Variants in LMAN1L observed in about 807,000 individuals in gnomAD.
LMAN1L encodes the protein lectin, mannose binding 1 like.
A neutral mutation model predicts 58.3 loss-of-function variants in LMAN1L; 60 were observed. That is an observed-to-expected ratio of 1.03 (90% confidence interval 0.84 to 1.27). The LOEUF (loss-of-function observed/expected upper bound fraction) is 1.27, where lower values mean the gene tolerates loss of function less well. Among genes scored for constraint, LMAN1L ranks in the 50% most tolerant of loss-of-function variants. The pLI, the probability that LMAN1L is intolerant of heterozygous loss-of-function variation, is 0.00. For synonymous variants in LMAN1L, 280 were observed against 271.6 expected, an observed-to-expected ratio of 1.03 and a Z score of -0.31; for missense variants, 629 against 674.0, an observed-to-expected ratio of 0.93 and a Z score of 0.74.
chr15:74,816,567 T>C (rs754713326), intron 3 of LMAN1L, 33 bp downstream of exon 3: 5 of 1,583,294 alleles, frequency 3.2e-6, no homozygotes. Flanking sequence ...CCAGCCCGCC[T>C]GCCCGCTCAC....
In LMAN1L at chr15:74,823,474, T is replaced by C. The variant is rs1055092995; in HGVS notation, c.1200-85T>C. 1.2e-5 allele frequency: 18 copies of C among 1,499,966 alleles called. No individual in the cohort carries two copies. The African/African-American group carries it at 1.4e-4, about 11-fold the overall frequency. The allele number at this position is 1,499,966 out of a possible 1,614,324, so 92.9% of individuals were successfully genotyped here. ...CCTGTTCCCCATCCATGTGCTGCCC[T>C]TGGGGAGATGGGAAATGATTAGGCC... On this transcript the variant is annotated intron_variant, in intron 11 of 13. Transcript: ENST00000309664.
chr15:74,822,594 G>A (rs1259540904), intron 10 of LMAN1L, 48 bp from the exon 11 acceptor site: 2 of 1,505,660 alleles, frequency 1.3e-6, no homozygotes, highest in Non-Finnish European at 1.8e-6. Flanking sequence ...GCTCTGAGAA[G>A]AGAGGGGCTA....
Position 74,825,725 on chromosome 15 carries a change from TC to T in LMAN1L, c.*123del. The T allele has an allele frequency of 1.1e-6, 1 of 944,714 alleles. No homozygotes were observed. The allele number at this position is 944,714 out of a possible 1,614,324, so 58.5% of individuals were successfully genotyped here. ...ACGCACACCTGAGCTTTCGGCATGC[TC>T]CCACCTCGTTAAAGGTGATTTCCCT... is the stretch of plus-strand genomic sequence containing the variant. On this transcript the variant is annotated 3_prime_UTR_variant, in exon 14 of 14. Coordinates refer to ENST00000309664, the MANE Select transcript of LMAN1L (RefSeq NM_021819.3).
intron 6 of LMAN1L, 130 bp from the exon 7 acceptor site, chr15:74,819,914 C>A: frequency 1.2e-6 from 1 of 826,718 alleles, no homozygotes; most frequent in Admixed American, 1.8e-5. Flanking sequence ...GTAAGCAAGA[C>A]AAGCATCAGA....
rs567071080 is a variant in LMAN1L at position 74,814,198 on chromosome 15, CT to C, written c.175+1179del. On this transcript the variant is annotated intron_variant, in intron 1 of 13. Coordinates refer to ENST00000309664, the MANE Select transcript of LMAN1L (RefSeq NM_021819.3). ...TAACTAAAGCCAGGACAAAATATCCCTTTTTTTTTTGTGAGATGGAGTTTCA... is the reference window on the plus strand; with the variant it reads ...TAACTAAAGCCAGGACAAAATATCCCTTTTTTTTTGTGAGATGGAGTTTCA... Among the ~76,000 whole-genome samples, 46 of 145,980 alleles carry C rather than the reference CT, an allele frequency of 3.2e-4. 1 individual carries two copies. Among genetic ancestry groups the C allele is most frequent in the East Asian group, 8.0e-4 (4 of 4,990 alleles).
At chr15:74,820,016 T>C in intron 6 of LMAN1L, 28 bp from the exon 7 acceptor site, 1 of 1,608,140 alleles carries the variant, frequency 6.2e-7, no homozygotes, top group South Asian at 1.1e-5. Context: ...GGAGGGGTCT[T>C]ACTTCTCCTT....
Position 74,816,704 on chromosome 15 carries a change from T to C in LMAN1L, c.497+14T>C, listed in dbSNP as rs762191276. On this transcript the variant is annotated intron_variant, in intron 4 of 13. Coordinates refer to ENST00000309664, the MANE Select transcript of LMAN1L (RefSeq NM_021819.3). ...TGAGCAGCCTGGGTAAGGGCCTGTC[T>C]GGACTGACCACTCACCTCCATTTTT... 6.2e-7 allele frequency: 1 copy of C among 1,612,094 alleles called. No homozygotes were observed.
In LMAN1L at chr15:74,816,661, C is replaced by A. The variant is rs771039883; in HGVS notation, c.468C>A (p.Ser156Arg). The change falls in exon 4 of 14, where the codon AGC becomes AGA. Residue 156 changes from serine to arginine, a missense_variant. By Grantham distance (110) the Ser-to-Arg change is moderately radical. Coordinates refer to ENST00000309664, the MANE Select transcript of LMAN1L (RefSeq NM_021819.3). ...GTCCTGCCATCCGTGTGCTGGCCAGCGACGGGCACATCCCCTCTGAGCAGC... is the reference window on the plus strand; with the variant it reads ...GTCCTGCCATCCGTGTGCTGGCCAGAGACGGGCACATCCCCTCTGAGCAGC... Reference protein sequence around the residue: ...QDSPAIRVLASDGHIPSEQPG... With the variant: ...QDSPAIRVLARDGHIPSEQPG... The A allele has an allele frequency of 6.2e-7, 1 of 1,613,782 alleles. No homozygotes were observed. The highest frequency in any genetic ancestry group is 1.1e-5 in the South Asian group (1 of 91,076).
rs1326122815 is a variant in LMAN1L, at chr15:74,820,711, GC to G, written c.852del (p.Leu285TrpfsTer7). The G allele has an allele frequency of 1.9e-6, 3 of 1,613,910 alleles. No homozygotes were observed. The East Asian group carries it at 6.7e-5, about 36-fold the overall frequency. ...CTGGAAGGGCTGTGGGCAAGGCTGG[GC>G]TTGGGCACCAGGGAGGATGTAACTC... ...RQLEGLWARL[G>X]LGTREDVTPK... On this transcript the variant is annotated frameshift_variant, in exon 8 of 14. Coordinates refer to ENST00000309664, the MANE Select transcript of LMAN1L (RefSeq NM_021819.3). LOFTEE classifies it high-confidence loss of function.
intron 1 of LMAN1L, 48 bp from the exon 2 acceptor site, chr15:74,816,109 G>T (rs1419593111): frequency 4.6e-6 from 7 of 1,523,308 alleles, no homozygotes; most frequent in Non-Finnish European, 6.2e-6. Context: ...AGTGAAGGGG[G>T]AGATGGGGTG....
intron 11 of LMAN1L, 110 bp from the exon 12 acceptor site, chr15:74,823,449 C>T (rs1284029158): frequency 1.9e-5 from 24 of 1,244,848 alleles, no homozygotes; most frequent in Non-Finnish European, 2.7e-5. Context: ...ATGGATGGTA[C>T]CTGTTCCCCA....
At chr15:74,821,768 T>C (rs908715525) in intron 9 of LMAN1L, 61 bp from the exon 10 acceptor site, 3 of 1,101,846 alleles carry the variant, frequency 2.7e-6, no homozygotes, top group East Asian at 2.4e-5. Flanking sequence ...GGGCTGCTAG[T>C]GTGGGGAAGA....
In LMAN1L at chr15:74,820,455, C is replaced by T. The variant is rs2063911193; in HGVS notation, c.775-180C>T. On this transcript the variant is annotated intron_variant, in intron 7 of 13. Transcript: ENST00000309664. ...CGGACCAGCACATATAGGCTTGAGG[C>T]CACAGCAGGGAGGGAAGATGGTGGG... 3.7e-6 allele frequency: 3 copies of T among 803,752 alleles called. No individual in the cohort carries two copies. The Admixed American group carries it at 6.0e-5, about 16-fold the overall frequency. The allele number at this position is 803,752 out of a possible 1,614,324, so 49.8% of individuals were successfully genotyped here.
At position 74,816,692 on chromosome 15, in the gene LMAN1L, T is replaced by A; in HGVS notation, c.497+2T>A. The A allele has an allele frequency of 1.9e-6, 3 of 1,613,550 alleles. No homozygotes were observed. The highest frequency in any genetic ancestry group is 2.5e-6 in the Non-Finnish European group (3 of 1,179,748). On this transcript the variant is annotated splice_donor_variant, in intron 4 of 13. Transcript: ENST00000309664. LOFTEE classifies it high-confidence loss of function. The stretch of plus-strand genomic sequence containing the variant: ...GCACATCCCCTCTGAGCAGCCTGGG[T>A]AAGGGCCTGTCTGGACTGACCACTC...
At chr15:74,813,145 G>A in intron 1 of LMAN1L, 116 bp downstream of exon 1, 1 of 1,182,478 alleles carries the variant, frequency 8.5e-7, no homozygotes. Context: ...GTGGGGCAAG[G>A]CCTGGGACAG....
intron 1 of LMAN1L, among the ~76,000 whole-genome samples, chr15:74,813,750 T>G (rs1377444437): frequency 6.6e-6 from 1 of 152,126 alleles, no homozygotes; most frequent in Non-Finnish European, 1.5e-5. Context: ...CACCTGAGAG[T>G]TGGGCCATGG....
At chr15:74,819,125 A>C (rs1596379000) in intron 5 of LMAN1L, 27 bp from the exon 6 acceptor site, 1 of 1,583,836 alleles carries the variant, frequency 6.3e-7, no homozygotes, top group Non-Finnish European at 8.6e-7. Context: ...ACACCCCCCC[A>C]CTGCTCACTC....
chr15:74,824,759 G>A lies in LMAN1L; in HGVS notation c.1451+281G>A, dbSNP rs2063933568. On this transcript the variant is annotated intron_variant, in intron 13 of 13. Coordinates refer to ENST00000309664, the MANE Select transcript of LMAN1L (RefSeq NM_021819.3). ...TGCCATGATGTCAGGAAGCTGAGGG[G>A]CTACGAGAGTGCAGGAGAACACACT... 4 of 354,730 alleles carry A rather than the reference G, an allele frequency of 1.1e-5. No homozygotes were observed. In the South Asian group the frequency reaches 2.3e-4, roughly 20 times the overall value. 22.0% of individuals were successfully genotyped at this position (354,730 alleles called of 1,614,324 possible). A position where few individuals can be genotyped will look rare whatever the true frequency, so the allele number is the denominator to read the frequency against.
intron 4 of LMAN1L, 58 bp downstream of exon 4, chr15:74,816,748 C>G: frequency 6.7e-7 from 1 of 1,499,378 alleles, no homozygotes; most frequent in Non-Finnish European, 9.1e-7. Flanking sequence ...AGGGGCCCAT[C>G]CCCCCCATCC....
Sources: gnomAD v4.1 joint callset for allele counts (sites outside exome capture counted in the v4.1 genomes callset) on GRCh38, gnomAD v4.1.1 for gene constraint, MANE v1.5 for transcripts, NCBI Gene and HGNC (gene_info 2026-07-23, HGNC 2026-07-21) for gene names.